The following ATP9B variants were observed in gnomAD, a reference collection of about 807,000 sequenced individuals.
ATP9B encodes ATPase phospholipid transporting 9B.
In ATP9B, 110 loss-of-function variants were observed where a neutral mutation model predicts 146.1. That is an observed-to-expected ratio of 0.75 (90% CI 0.65 to 0.88). ATP9B has a LOEUF of 0.88. Among genes scored for constraint, ATP9B ranks in the 40% least tolerant of loss-of-function variants. ATP9B has a pLI of 0.00. For missense variants in ATP9B, 1,499 were observed against 1,496.4 expected (o/e 1.00, Z -0.03); for synonymous variants, 604 against 569.7 (o/e 1.06, Z -0.86).
chr18:79,331,463 A>C (rs996424182), intron 17 of ATP9B, among the ~76,000 whole-genome samples: 1 of 152,224 alleles, frequency 6.6e-6, no homozygotes, highest in African/African-American at 2.4e-5. Flanking sequence ...TGATGTCAGA[A>C]TGTTTTTCAC....
In ATP9B at chr18:79,180,484, TC is replaced by T. The variant is rs1260327597; in HGVS notation, c.873+3579del. 3.9e-5 allele frequency among the ~76,000 whole-genome samples: 6 copies of T among 152,166 alleles called. 1 individual carries two copies. Among genetic ancestry groups the T allele is most frequent in the Non-Finnish European group, 1.5e-5 (1 of 68,024 alleles). On this transcript the variant is annotated intron_variant, in intron 8 of 29. Transcript: ENST00000426216. ...GTAGATGCCCATGGCTTCCTTCCCA[TC>T]CTTTGTATTCATGTCAGCTGTCGTA...
rs1220312757 is a variant in ATP9B at position 79,327,832 on chromosome 18, T to C, written c.1774-1309T>C. Among the ~76,000 whole-genome samples the C allele has an allele frequency of 9.1e-4, 58 of 63,736 alleles. 6 individuals carry two copies. Among genetic ancestry groups the C allele is most frequent in the Admixed American group, 2.2e-3 (12 of 5,502 alleles). The allele number at this position is 63,736 out of a possible 152,430, so 41.8% of individuals were successfully genotyped here. ...TAGCGTGTTCTCCGTGGTTAGTGTG[T>C]TCTCCGTGGTTAGCGTGCTCTCCAT... On this transcript the variant is annotated intron_variant, in intron 15 of 29. Transcript: ENST00000426216.
At chr18:79,101,071 A>G (rs1157227585) in intron 2 of ATP9B, among the ~76,000 whole-genome samples, 5 of 151,970 alleles carry the variant, frequency 3.3e-5, no homozygotes, top group African/African-American at 1.2e-4. Context: ...TTATGTAACT[A>G]TAATATGAAA....
chr18:79,251,067 C>G (rs565704769), intron 11 of ATP9B, among the ~76,000 whole-genome samples: 1 of 152,158 alleles, frequency 6.6e-6, no homozygotes, highest in Non-Finnish European at 1.5e-5. Context: ...TGTGGCAGGC[C>G]AAGTGTCTCA....
At chr18:79,316,800 C>G (rs969250412) in intron 15 of ATP9B, among the ~76,000 whole-genome samples, 3 of 152,096 alleles carry the variant, frequency 2.0e-5, no homozygotes, top group African/African-American at 7.2e-5. Flanking sequence ...GGAAAACATA[C>G]AAGTAATGAT....
At chr18:79,251,936 G>A (rs780750874) in intron 11 of ATP9B, among the ~76,000 whole-genome samples, 14 of 152,146 alleles carry the variant, frequency 9.2e-5, no homozygotes, top group African/African-American at 2.7e-4. Flanking sequence ...TTAGTCTTCC[G>A]CTAATGTCAC....
At chr18:79,343,560 G>A (rs2096869808) in intron 20 of ATP9B, 2 of 152,190 alleles carry the variant, frequency 1.3e-5, no homozygotes, top group Admixed American at 6.5e-5. Context: ...AATGGAGTAA[G>A]TTGAAACCCA....
intron 17 of ATP9B, 127 bp downstream of exon 17, chr18:79,330,231 T>G: frequency 1.2e-6 from 1 of 842,120 alleles, no homozygotes; most frequent in Admixed American, 2.2e-5. Context: ...GGATATCCTT[T>G]CCCCAGCTTG....
At chr18:79,278,408 T>A (rs2145772571) in intron 13 of ATP9B, among the ~76,000 whole-genome samples, 1 of 152,308 alleles carries the variant, frequency 6.6e-6, no homozygotes, top group South Asian at 2.1e-4. Flanking sequence ...AGAAATCACA[T>A]GGGATATTCT....
intron 11 of ATP9B, among the ~76,000 whole-genome samples, chr18:79,216,941 G>A (rs1011958367): frequency 2.0e-5 from 3 of 152,174 alleles, no homozygotes; most frequent in East Asian, 3.9e-4. Flanking sequence ...AGGGATTCAC[G>A]ATAGCGGTTC....
At chr18:79,211,476 A>C (rs1280152509) in intron 10 of ATP9B, among the ~76,000 whole-genome samples, 3 of 152,208 alleles carry the variant, frequency 2.0e-5, no homozygotes, top group African/African-American at 7.2e-5. Context: ...GAAGTAGGCT[A>C]AGTCTCGAGG....
intron 6 of ATP9B, among the ~76,000 whole-genome samples, chr18:79,151,321 G>T (rs2094685490): frequency 6.6e-6 from 1 of 152,178 alleles, no homozygotes; most frequent in Non-Finnish European, 1.5e-5. Flanking sequence ...CGAGGTGGGA[G>T]TGTGTTTGGG....
At chr18:79,104,807 C>G (rs57892570) in intron 2 of ATP9B, among the ~76,000 whole-genome samples, 4,038 of 151,712 alleles carry the variant, frequency 0.027, 202 homozygotes, top group African/African-American at 0.093. Flanking sequence ...GCAGTGGTGC[C>G]ATTATGGCCC....
intron 29 of ATP9B, 91 bp downstream of exon 29, chr18:79,375,517 C>A: frequency 6.5e-7 from 1 of 1,546,130 alleles, no homozygotes; most frequent in Non-Finnish European, 8.8e-7. Flanking sequence ...AACAAACCTT[C>A]CTCTAATTCA....
intron 11 of ATP9B, among the ~76,000 whole-genome samples, chr18:79,233,917 G>T (rs184057883): frequency 3.3e-5 from 5 of 152,214 alleles, no homozygotes; most frequent in Non-Finnish European, 5.9e-5. Context: ...AGAGGGAAAA[G>T]TTATATTCAC....
chr18:79,269,394 A>C (rs1385211957), intron 12 of ATP9B, among the ~76,000 whole-genome samples: 1 of 152,154 alleles, frequency 6.6e-6, no homozygotes, highest in Non-Finnish European at 1.5e-5. Context: ...GGAATTTCTT[A>C]ATTTTAATTA....
chr18:79,189,909 C>T (rs542898607), intron 8 of ATP9B, among the ~76,000 whole-genome samples: 17 of 152,344 alleles, frequency 1.1e-4, no homozygotes, highest in African/African-American at 3.1e-4. Flanking sequence ...ACGCCAAACA[C>T]GATGGAAAAC....
intron 24 of ATP9B, 42 bp downstream of exon 24, chr18:79,347,967 C>T (rs2147560789): frequency 6.2e-7 from 1 of 1,606,000 alleles, no homozygotes; most frequent in South Asian, 1.1e-5. Context: ...GGGCAGGGTC[C>T]AGGAAGGGCA....
chr18:79,296,672 T>G lies in ATP9B; in HGVS notation c.1412-6932T>G, dbSNP rs143995662. The stretch of plus-strand genomic sequence containing the variant: ...TGTTTGATTTCTGTTTACAGCAGTC[T>G]TCTATATACCTTCCACCACCCTTGT... On this transcript the variant is annotated intron_variant, in intron 13 of 29. Transcript: ENST00000426216. Among the ~76,000 whole-genome samples, 166 of 152,380 alleles carry G rather than the reference T, an allele frequency of 1.1e-3. 1 individual carries two copies. The highest frequency in any genetic ancestry group is 3.6e-3 in the African/African-American group (151 of 41,588).
Sources: allele counts gnomAD v4.1 joint callset (sites outside exome capture counted in the v4.1 genomes callset), GRCh38; gene constraint gnomAD v4.1.1; transcripts MANE v1.5; gene names NCBI Gene and HGNC (gene_info 2026-07-23, HGNC 2026-07-21).